The following MACF1 variants were observed in gnomAD, a reference collection of about 807,000 sequenced individuals.
MACF1 encodes microtubule actin crosslinking factor 1.
A neutral mutation model predicts 854.8 loss-of-function variants in MACF1; 193 were observed. The ratio of observed to expected loss-of-function variants is 0.23; its 90% CI spans 0.20 to 0.25. The LOEUF is 0.25. Ranked by LOEUF, MACF1 falls within the 10% of genes least tolerant of loss-of-function variation. The pLI, the probability that MACF1 is intolerant of heterozygous loss-of-function variation, is 1.00. For missense variants in MACF1, 7,722 were observed against 8,929.1 expected, an observed-to-expected ratio of 0.86 and a Z score of 5.45; for synonymous variants, 3,185 against 3,226.7, an observed-to-expected ratio of 0.99 and a Z score of 0.44.
At position 39,484,742 on chromosome 1, in the gene MACF1, C is replaced by G. The variant is rs747272468; in HGVS notation, c.22411+12C>G. On this transcript the variant is annotated intron_variant, in intron 100 of 100. Transcript: ENST00000564288. Reference sequence around the variant, plus strand: ...AACTAATCGGGCAGGTAAGTACCTGCCCCGTGACCTACAAGCCAGGCTGAG... The same window carrying G: ...AACTAATCGGGCAGGTAAGTACCTGGCCCGTGACCTACAAGCCAGGCTGAG... The G allele has an allele frequency of 6.2e-7, 1 of 1,614,150 alleles. No individual in the cohort carries two copies. Among genetic ancestry groups the G allele is most frequent in the South Asian group, 1.1e-5 (1 of 91,078 alleles).
chr1:39,307,634 G>A (rs951285597), intron 23 of MACF1, among the ~76,000 whole-genome samples: 6 of 152,004 alleles, frequency 3.9e-5, no homozygotes, highest in Non-Finnish European at 7.4e-5. Context: ...GTGCAGTGGC[G>A]CGATCTTGGC....
At chr1:39,169,776 T>TCTTTCTTTC (rs1381645539) in intron 2 of MACF1, among the ~76,000 whole-genome samples, 3 of 137,224 alleles carry the variant, frequency 2.2e-5, no homozygotes, top group African/African-American at 7.9e-5. Context: ...TTTCTTTCTT[T>TCTTTCTTTC]TTTTTTTTTT....
rs1024824631 is a variant in MACF1, at chr1:39,102,187, AAAAG to A, written c.220+17755_220+17758del. Reference sequence around the variant, plus strand: ...GAGACTCCGTCAAAAAAAAAGAAGAAAAAGAAAGAGAGAGAGAGAGAGAGAAAGA... The same window carrying A: ...GAGACTCCGTCAAAAAAAAAGAAGAAAAAGAGAGAGAGAGAGAGAGAAAGA... On this transcript the variant is annotated intron_variant, in intron 2 of 93. Transcript: ENST00000361689. Among the ~76,000 whole-genome samples, 16 of 68,392 alleles carry A rather than the reference AAAAG, an allele frequency of 2.3e-4. 1 individual carries two copies. Among genetic ancestry groups the A allele is most frequent in the South Asian group, 2.1e-3 (3 of 1,432 alleles). The allele number at this position is 68,392 out of a possible 152,430, so 44.9% of individuals were successfully genotyped here.
rs995497378 is a variant in MACF1 at position 39,477,218 on chromosome 1, G to A, written c.21959-2580G>A. Among the ~76,000 whole-genome samples, 110 of 149,680 alleles carry A rather than the reference G, an allele frequency of 7.3e-4. 4 individuals are homozygous for A. Among genetic ancestry groups the A allele is most frequent in the Non-Finnish European group, 2.5e-4 (17 of 67,470 alleles). ...TGTCCCTTGGGTTGTGAGATTAAGC[G>A]ACTTTTGTTGTTGTTTTGGTTTTTG... On this transcript the variant is annotated intron_variant, in intron 97 of 100. Coordinates refer to ENST00000564288, the MANE Select transcript of MACF1 (RefSeq NM_001394062.1).
At chr1:39,389,362 T>TTTG (rs1641939220) in intron 58 of MACF1, among the ~76,000 whole-genome samples, 1 of 136,088 alleles carries the variant, frequency 7.3e-6, no homozygotes, top group African/African-American at 2.8e-5. Context: ...TTTTTTTTTT[T>TTTG]TTTTTTTTTT....
rs529588150 is a variant in MACF1, at chr1:39,181,460, G to T, written c.221-49722G>T. On this transcript the variant is annotated intron_variant, in intron 2 of 93. Coordinates refer to the MACF1 transcript ENST00000361689. Reference sequence around the variant, plus strand: ...CAATCCCTGTCAGAATCCCAGTGGGGTTTTTTCTTCTTCTTTCTTCTCCTC... The same window carrying T: ...CAATCCCTGTCAGAATCCCAGTGGGTTTTTTTCTTCTTCTTTCTTCTCCTC... 4.6e-5 allele frequency among the ~76,000 whole-genome samples: 7 copies of T among 152,254 alleles called. No individual in the cohort carries two copies. In the South Asian group the frequency reaches 1.5e-3, roughly 32 times the overall value.
intron 26 of MACF1, among the ~76,000 whole-genome samples, chr1:39,311,407 T>C (rs1412762916): frequency 6.6e-6 from 1 of 152,246 alleles, no homozygotes; most frequent in Non-Finnish European, 1.5e-5. Context: ...TGGGCTCTGA[T>C]ACATGCTCTG....
chr1:39,485,251 C>G, intron 100 of MACF1: 1 of 397,328 alleles, frequency 2.5e-6, no homozygotes, highest in Admixed American at 4.3e-5. Context: ...GCTCACCCAC[C>G]TGTGCTGAGG....
At chr1:39,340,068 T>C (rs1421355818) in intron 38 of MACF1, among the ~76,000 whole-genome samples, 2 of 152,182 alleles carry the variant, frequency 1.3e-5, no homozygotes, top group African/African-American at 4.8e-5. Flanking sequence ...CCCTGGAATT[T>C]AGAGTGGAAG....
Position 39,358,889 on chromosome 1 carries a change from G to A in MACF1, c.12120+16G>A, listed in dbSNP as rs1200732703. On this transcript the variant is annotated intron_variant, in intron 46 of 100. Coordinates refer to ENST00000564288, the MANE Select transcript of MACF1 (RefSeq NM_001394062.1). ...AACAACAAAGGTAAGTCAGGACACA[G>A]GCTGTGTTGTGGTGTCAAGACCTTG... The A allele has an allele frequency of 1.9e-6, 3 of 1,597,512 alleles. No individual in the cohort carries two copies. The highest frequency in any genetic ancestry group is 4.5e-5 in the East Asian group (2 of 44,778).
rs754601550 is a variant in MACF1, at chr1:39,282,364, C to A, written c.685C>A (p.His229Asn). ...TGGGAAGATGTTCAATGCACTCATT[C>A]ACCGATACCGGTAAGAACAGTGGAA... ...SDGKMFNALI[H>N]RYRPDLVDME... The change falls in exon 7 of 101, where the codon CAC becomes AAC. Residue 229 changes from histidine (H) to asparagine (N), a missense_variant. Physicochemically the swap from His to Asn is moderately conservative, Grantham distance 68 (BLOSUM62 1). Coordinates refer to ENST00000564288, the MANE Select transcript of MACF1 (RefSeq NM_001394062.1). 6.2e-7 allele frequency: 1 copy of A among 1,613,820 alleles called. No individual in the cohort carries two copies. The highest frequency in any genetic ancestry group is 8.5e-7 in the Non-Finnish European group (1 of 1,179,824).
At chr1:39,428,515 G>C (rs943098739) in intron 63 of MACF1, among the ~76,000 whole-genome samples, 2 of 152,158 alleles carry the variant, frequency 1.3e-5, no homozygotes, top group African/African-American at 4.8e-5. Context: ...AGATGGTACA[G>C]GGTATATAGT....
chr1:39,336,971 A>C (rs1402226840), intron 37 of MACF1, among the ~76,000 whole-genome samples: 1 of 152,250 alleles, frequency 6.6e-6, no homozygotes, highest in African/African-American at 2.4e-5. Flanking sequence ...ATGCTTGTAG[A>C]TTGATAGCTC....
intron 97 of MACF1, among the ~76,000 whole-genome samples, chr1:39,473,560 T>C (rs961082379): frequency 1.3e-5 from 2 of 152,132 alleles, no homozygotes; most frequent in African/African-American, 4.8e-5. Flanking sequence ...AGCGAGAGAG[T>C]GAGCCCCACT....
At position 39,486,072 on chromosome 1, in the gene MACF1, A is replaced by T. The variant is rs540418317; in HGVS notation, c.*278A>T. The T allele has an allele frequency of 7.6e-5, 17 of 223,156 alleles. No individual in the cohort carries two copies. Among genetic ancestry groups the T allele is most frequent in the South Asian group, 1.9e-4 (1 of 5,394 alleles). 13.8% of individuals were successfully genotyped at this position (223,156 alleles called of 1,614,324 possible). ...AAGGTCAAGATACAAATGTGTATTA[A>T]AAAAAAAAAAGCCTATTAATAGGGT... On this transcript the variant is annotated 3_prime_UTR_variant, in exon 101 of 101. Transcript: ENST00000564288.
chr1:39,194,336 C>G (rs4660523), intron 2 of MACF1, among the ~76,000 whole-genome samples: 4 of 61,356 alleles, frequency 6.5e-5, no homozygotes, highest in African/African-American at 2.7e-4. Flanking sequence ...CTTTTCTTTT[C>G]TTTTCTTTTC....
At chr1:39,349,413 G>C (rs1004577387) in intron 41 of MACF1, 65 bp from the exon 42 acceptor site, 15 of 1,492,344 alleles carry the variant, frequency 1.0e-5, no homozygotes, top group Non-Finnish European at 1.4e-5. Flanking sequence ...ACATTTCAGG[G>C]AGTTTCTTGT....
At chr1:39,292,944 T>G in intron 17 of MACF1, 101 bp downstream of exon 17, 1 of 926,602 alleles carries the variant, frequency 1.1e-6, no homozygotes, top group Non-Finnish European at 1.6e-6. Context: ...GGCCCTGTTT[T>G]GGTTTTCTGC....
intron 2 of MACF1, among the ~76,000 whole-genome samples, chr1:39,195,887 G>A (rs1441853732): frequency 6.6e-6 from 1 of 152,204 alleles, no homozygotes; most frequent in Non-Finnish European, 1.5e-5. Flanking sequence ...GTTGGAGACT[G>A]AGATTAGACA....
Sources: allele counts gnomAD v4.1 joint callset (sites outside exome capture counted in the v4.1 genomes callset), GRCh38; gene constraint gnomAD v4.1.1; transcripts MANE v1.5; gene names NCBI Gene and HGNC (gene_info 2026-07-23, HGNC 2026-07-21).